The following HADH variants were observed in gnomAD, a reference collection of about 807,000 sequenced individuals.
HADH encodes hydroxyacyl-CoA dehydrogenase, also known as hydroxyacyl-coenzyme A dehydrogenase, mitochondrial.
Under a neutral mutation model 32.2 loss-of-function variants are expected in HADH, and 24 were observed. That is an observed-to-expected ratio of 0.75 (90% CI 0.54 to 1.05). HADH has a LOEUF of 1.05. Ranked by LOEUF, HADH falls within the 50% of genes least tolerant of loss-of-function variation. The pLI is 0.00. For synonymous variants in HADH, 139 were observed against 152.5 expected (o/e 0.91, Z 0.65); for missense variants, 350 against 397.1 (o/e 0.88, Z 1.01).
chr4:107,994,234 CT>C lies in HADH; in HGVS notation c.132+4181del, dbSNP rs956194959. ...ATAGGTTCTTCTCTCCCAAAGCTTG[CT>C]TTTTTTTTTTCCTCCTTTTTAAAAA... On this transcript the variant is annotated intron_variant, in intron 1 of 7. Coordinates refer to ENST00000309522, the MANE Select transcript of HADH (RefSeq NM_005327.7). Among the ~76,000 whole-genome samples, 862 of 144,990 alleles carry C rather than the reference CT, an allele frequency of 5.9e-3. 7 individuals carry two copies. Among genetic ancestry groups the C allele is most frequent in the Middle Eastern group, 0.018 (5 of 280 alleles).
rs1735427380 is a variant in HADH, at chr4:108,009,897, T to C, written c.261+10T>C. The C allele has an allele frequency of 1.3e-6, 2 of 1,591,774 alleles. No individual in the cohort carries two copies. Among genetic ancestry groups the C allele is most frequent in the South Asian group, 1.1e-5 (1 of 90,660 alleles). On this transcript the variant is annotated intron_variant, in intron 2 of 7. Transcript: ENST00000309522. ...TGCAGAAAACCTTAAGGTAATTTCT[T>C]ATTATCGATGTCTTCAAGACAAGTC...
chr4:108,006,962 G>A (rs934548137), intron 1 of HADH, among the ~76,000 whole-genome samples: 1 of 152,174 alleles, frequency 6.6e-6, no homozygotes, highest in African/African-American at 2.4e-5. Flanking sequence ...CTATAAAATG[G>A]ATTAGGGTTG....
chr4:108,018,083 T>A (rs1486333723), intron 3 of HADH, among the ~76,000 whole-genome samples: 4 of 152,188 alleles, frequency 2.6e-5, no homozygotes, highest in Non-Finnish European at 5.9e-5. Flanking sequence ...TGTGCCCAAG[T>A]TTCCCCTTTT....
intron 6 of HADH, chr4:108,032,818 C>A (rs1736320853): frequency 8.7e-6 from 3 of 344,688 alleles, no homozygotes; most frequent in South Asian, 8.0e-5. Context: ...CCTATCTCTA[C>A]TAAAAATATA....
intron 1 of HADH, among the ~76,000 whole-genome samples, chr4:108,001,015 T>C (rs1186409691): frequency 6.6e-6 from 1 of 152,234 alleles, no homozygotes; most frequent in Non-Finnish European, 1.5e-5. Flanking sequence ...CACAGTTTAC[T>C]TTGGTGTAAA....
chr4:108,014,970 C>A (rs1465723124), intron 3 of HADH, among the ~76,000 whole-genome samples: 1 of 152,102 alleles, frequency 6.6e-6, no homozygotes, highest in Non-Finnish European at 1.5e-5. Flanking sequence ...TGATTTTATT[C>A]TTTTTTATAG....
At chr4:108,004,716 GA>G in intron 1 of HADH, 1 of 1,531,464 alleles carries the variant, frequency 6.5e-7, no homozygotes, top group South Asian at 1.2e-5. Context: ...AGAAAGGAAT[GA>G]AGAGAGAAGT....
At chr4:108,027,797 A>C in intron 6 of HADH, 37 bp downstream of exon 6, 1 of 1,196,300 alleles carries the variant, frequency 8.4e-7, no homozygotes, top group Non-Finnish European at 1.3e-6. Flanking sequence ...AGCAGACCTC[A>C]GCTCCTGGCG....
rs1482489038 is a variant in HADH, at chr4:108,033,011, G to A, written c.710-165G>A. 2.0e-5 allele frequency: 14 copies of A among 692,660 alleles called. 1 individual carries two copies. Among genetic ancestry groups the A allele is most frequent in the Non-Finnish European group, 3.5e-5 (13 of 376,770 alleles). 42.9% of individuals were successfully genotyped at this position (692,660 alleles called of 1,614,324 possible). On this transcript the variant is annotated intron_variant, in intron 6 of 7. Coordinates refer to ENST00000309522, the MANE Select transcript of HADH (RefSeq NM_005327.7). Reference sequence around the variant, plus strand: ...AAAACAAAGTCTTATGACCTCTTTGGCATGTACTTTAGAGAGGAAATCTTA... The same window carrying A: ...AAAACAAAGTCTTATGACCTCTTTGACATGTACTTTAGAGAGGAAATCTTA...
chr4:108,002,149 C>T (rs141455587), intron 1 of HADH, among the ~76,000 whole-genome samples: 1 of 152,274 alleles, frequency 6.6e-6, no homozygotes, highest in Non-Finnish European at 1.5e-5. Flanking sequence ...ACACAGTGCT[C>T]GTCCCCTCCA....
At chr4:108,009,172 T>G (rs1735391876) in intron 1 of HADH, among the ~76,000 whole-genome samples, 1 of 152,152 alleles carries the variant, frequency 6.6e-6, no homozygotes, top group Non-Finnish European at 1.5e-5. Context: ...GAGTTTAAAT[T>G]CTTACCTATT....
rs553014808 is a variant in HADH at position 107,990,743 on chromosome 4, C to CTTTT, written c.132+699_132+702dup. Among the ~76,000 whole-genome samples, 153 of 111,836 alleles carry CTTTT rather than the reference C, an allele frequency of 1.4e-3. 1 individual carries two copies. The highest frequency in any genetic ancestry group is 3.2e-3 in the African/African-American group (88 of 27,272). The allele number at this position is 111,836 out of a possible 152,430, so 73.4% of individuals were successfully genotyped here. A position where few individuals can be genotyped will look rare whatever the true frequency, so the allele number is the denominator to read the frequency against. ...GCGCTGCAGCGGAATAAGTCTCTCTCTTTTTTTTTTTTTTTTTTTTTTTGA... is the reference window on the plus strand; with the variant it reads ...GCGCTGCAGCGGAATAAGTCTCTCTCTTTTTTTTTTTTTTTTTTTTTTTTTTTGA... On this transcript the variant is annotated intron_variant, in intron 1 of 7. Coordinates refer to ENST00000309522, the MANE Select transcript of HADH (RefSeq NM_005327.7).
rs117831733 is a variant in HADH at position 108,023,804 on chromosome 4, G to T, written c.636+241G>T. ...AGTCTGAGACCTGAATGGAGCTCAG[G>T]ACACCAGCTGAGTAGAAGACACGGG... is the stretch of plus-strand genomic sequence containing the variant. On this transcript the variant is annotated intron_variant, in intron 5 of 7. Transcript: ENST00000309522. The T allele has an allele frequency of 5.7e-4, 287 of 502,692 alleles. 3 individuals carry two copies. In the East Asian group the frequency reaches 0.01, roughly 18 times the overall value. 31.1% of individuals were successfully genotyped at this position (502,692 alleles called of 1,614,324 possible).
chr4:108,018,012 C>T (rs1312091074), intron 3 of HADH, among the ~76,000 whole-genome samples: 2 of 152,118 alleles, frequency 1.3e-5, no homozygotes, highest in African/African-American at 4.8e-5. Flanking sequence ...TAAAATGTGC[C>T]AGAGTGCCCT....
intron 5 of HADH, chr4:108,025,355 T>C (rs906059707): frequency 1.3e-5 from 2 of 152,130 alleles, no homozygotes; most frequent in African/African-American, 4.8e-5. Flanking sequence ...CCGGCACTTA[T>C]TAGCTGTGTA....
At chr4:108,012,504 G>A (rs1051538853) in intron 2 of HADH, among the ~76,000 whole-genome samples, 1 of 152,134 alleles carries the variant, frequency 6.6e-6, no homozygotes. Context: ...TGCTGTGTCC[G>A]GTTTCTATTG....
chr4:108,028,837 T>G (rs1736156270), intron 6 of HADH: 1 of 398,610 alleles, frequency 2.5e-6, no homozygotes, highest in Non-Finnish European at 4.4e-6. Context: ...ACTGTCCATT[T>G]GATGCATTCT....
chr4:107,994,337 C>T (rs987711298), intron 1 of HADH, among the ~76,000 whole-genome samples: 15 of 152,042 alleles, frequency 9.9e-5, no homozygotes, highest in Admixed American at 8.5e-4. Flanking sequence ...GAGCCTGCTA[C>T]GTTGCAGGGA....
chr4:108,027,729 C>T lies in HADH; in HGVS notation c.678C>T (p.Tyr226=). 5.0e-6 allele frequency: 8 copies of T among 1,609,490 alleles called. No homozygotes were observed. The highest frequency in any genetic ancestry group is 6.8e-6 in the Non-Finnish European group (8 of 1,175,824). Reference sequence around the variant, plus strand: ...TTGTGAACCGCCTCCTGGTTCCATACCTCATGGAAGCAATCAGGCTGTATG... The same window carrying T: ...TTGTGAACCGCCTCCTGGTTCCATATCTCATGGAAGCAATCAGGCTGTATG... The part of the protein sequence containing the change: ...GFIVNRLLVP[Y]LMEAIRLYER... The change falls in exon 6 of 8, where the codon TAC becomes TAT. Residue 226 remains tyrosine, a synonymous_variant. Coordinates refer to ENST00000309522, the MANE Select transcript of HADH (RefSeq NM_005327.7).
Sources: gnomAD v4.1 joint callset for allele counts (sites outside exome capture counted in the v4.1 genomes callset) on GRCh38, gnomAD v4.1.1 for gene constraint, MANE v1.5 for transcripts, NCBI Gene and HGNC (gene_info 2026-07-23, HGNC 2026-07-21) for gene names.